Variants in TGFBR3 observed in about 807,000 individuals in gnomAD.
TGFBR3 encodes the protein transforming growth factor beta receptor 3.
TGFBR3 carries 46 observed loss-of-function variants against 87.9 expected under a neutral mutation model. That is an observed-to-expected ratio of 0.52 (90% CI 0.41 to 0.67). The LOEUF is 0.67. Ranked by LOEUF, TGFBR3 falls within the 30% of genes least tolerant of loss-of-function variation. The pLI is 0.00. For missense variants in TGFBR3, 866 were observed against 1,041.9 expected (o/e 0.83, Z 2.32); for synonymous variants, 381 against 391.6 (o/e 0.97, Z 0.32).
chr1:91,804,886 A>G (rs535864117), intron 2 of TGFBR3, among the ~76,000 whole-genome samples: 1 of 152,336 alleles, frequency 6.6e-6, no homozygotes, highest in East Asian at 1.9e-4. Context: ...CAAGTGAGTG[A>G]CATGCTCTGA....
At chr1:91,719,861 C>T (rs1192172093) in intron 9 of TGFBR3, 32 bp downstream of exon 9, 1 of 1,605,742 alleles carries the variant, frequency 6.2e-7, no homozygotes. Flanking sequence ...AGGAGGTAGC[C>T]TCTCTTCCCT....
At chr1:91,900,363 C>T (rs1286037176) in intron 1 of TGFBR3, among the ~76,000 whole-genome samples, 1 of 152,166 alleles carries the variant, frequency 6.6e-6, no homozygotes, top group African/African-American at 2.4e-5. Flanking sequence ...ATCTGCCTGC[C>T]TCAGCCTCCC....
rs1033044553 is a variant in TGFBR3 at position 91,801,627 on chromosome 1, T to G, written c.62-4156A>C. On this transcript the variant is annotated intron_variant, in intron 2 of 16. Coordinates refer to ENST00000212355, the MANE Select transcript of TGFBR3 (RefSeq NM_003243.5). ...GAGAGATATTTGATAAAGCAACTAT[T>G]GCAAAATGCTAATTGTGGAATCTAA... 5.9e-5 allele frequency among the ~76,000 whole-genome samples: 9 copies of G among 152,218 alleles called. No homozygotes were observed. In the South Asian group the frequency reaches 1.0e-3, roughly 17 times the overall value.
chr1:91,896,511 C>T lies in TGFBR3; in HGVS notation c.-114+3126G>A, dbSNP rs2391091. 9.7e-3 allele frequency among the ~76,000 whole-genome samples: 1,476 copies of T among 152,166 alleles called. 26 individuals are homozygous for T. The highest frequency in any genetic ancestry group is 0.033 in the African/African-American group (1,383 of 41,502). ...GCAGGGAGCAAGTATGTGGTGTAAA[C>T]GGCATGAATGAATCTCCACCTGGAA... On this transcript the variant is annotated intron_variant, in intron 2 of 17. Coordinates refer to the TGFBR3 transcript ENST00000370399.
rs1364490675 is a variant in TGFBR3, at chr1:91,683,420, A to C, written c.*319T>G. On this transcript the variant is annotated 3_prime_UTR_variant, in exon 17 of 17. Coordinates refer to ENST00000212355, the MANE Select transcript of TGFBR3 (RefSeq NM_003243.5). ...ATTATGGATGTTCTCACCTGGACAAAGCAGCATTTTAAAAACTGGCATGTG... is the reference window on the plus strand; with the variant it reads ...ATTATGGATGTTCTCACCTGGACAACGCAGCATTTTAAAAACTGGCATGTG... 1.8e-6 allele frequency: 1 copy of C among 566,952 alleles called. No homozygotes were observed. The highest frequency in any genetic ancestry group is 1.5e-5 in the South Asian group (1 of 65,472). 35.1% of individuals were successfully genotyped at this position (566,952 alleles called of 1,614,324 possible).
chr1:91,735,518 T>C (rs772610445), intron 4 of TGFBR3, among the ~76,000 whole-genome samples: 1 of 152,242 alleles, frequency 6.6e-6, no homozygotes, highest in Non-Finnish European at 1.5e-5. Context: ...CCAGCCTTTC[T>C]ATCACATTGC....
At chr1:91,752,717 C>G (rs1673591187) in intron 4 of TGFBR3, among the ~76,000 whole-genome samples, 1 of 145,894 alleles carries the variant, frequency 6.9e-6, no homozygotes, top group Admixed American at 6.9e-5. Context: ...ACAAATAAAG[C>G]AAGATTAAAA....
chr1:91,794,894 C>G (rs72716435), intron 3 of TGFBR3, among the ~76,000 whole-genome samples: 1 of 152,198 alleles, frequency 6.6e-6, no homozygotes, highest in Non-Finnish European at 1.5e-5. Context: ...CGGGTATATA[C>G]CTAAGAGTGG....
At chr1:91,722,667 G>C (rs1571442270) in intron 7 of TGFBR3, among the ~76,000 whole-genome samples, 1 of 152,134 alleles carries the variant, frequency 6.6e-6, no homozygotes, top group Non-Finnish European at 1.5e-5. Context: ...ATCATTAGGT[G>C]ATTTAGTCAT....
chr1:91,697,417 TCTC>T (rs1406830709), intron 15 of TGFBR3, among the ~76,000 whole-genome samples: 1 of 152,116 alleles, frequency 6.6e-6, no homozygotes, highest in Non-Finnish European at 1.5e-5. Context: ...ATTCACAAAT[TCTC>T]CTCACAAGAC....
At chr1:91,876,216 T>C (rs1004589091) in intron 1 of TGFBR3, among the ~76,000 whole-genome samples, 1 of 151,878 alleles carries the variant, frequency 6.6e-6, no homozygotes, top group Non-Finnish European at 1.5e-5. Flanking sequence ...AGACTAAGAG[T>C]TATCAAAGAT....
At chr1:91,854,474 G>C (rs1035239361) in intron 2 of TGFBR3, among the ~76,000 whole-genome samples, 1 of 152,056 alleles carries the variant, frequency 6.6e-6, no homozygotes, top group Non-Finnish European at 1.5e-5. Flanking sequence ...GCCCAGCTTG[G>C]AGCTGCCAAA....
intron 3 of TGFBR3, among the ~76,000 whole-genome samples, chr1:91,770,268 C>T (rs375759244): frequency 6.6e-6 from 1 of 151,154 alleles, no homozygotes; most frequent in East Asian, 1.9e-4. Context: ...TCTCATAAAA[C>T]CCTAAATAGA....
At chr1:91,876,830 G>A (rs1209131933) in intron 1 of TGFBR3, among the ~76,000 whole-genome samples, 1 of 151,868 alleles carries the variant, frequency 6.6e-6, no homozygotes, top group African/African-American at 2.4e-5. Flanking sequence ...AGAAAAATCT[G>A]AAAGCCAACA....
chr1:91,720,210 C>T lies in TGFBR3; in HGVS notation c.1096G>A (p.Glu366Lys), dbSNP rs759124773. The T allele has an allele frequency of 1.9e-6, 3 of 1,602,524 alleles. No individual in the cohort carries two copies. Among genetic ancestry groups the T allele is most frequent in the South Asian group, 2.2e-5 (2 of 89,860 alleles). Residue 366 changes from glutamate (E) to lysine (K), a missense_variant, in exon 9 of 17, where the codon GAA becomes AAA. Coordinates refer to ENST00000212355, the MANE Select transcript of TGFBR3 (RefSeq NM_003243.5). The part of the protein sequence containing the change: ...ENNAEEMGDE[E>K]VHTIPPELRI... ...AGCTCAGGAGGAATAGTGTGGACTT[C>T]CTCATCTCCCATCTCCTCTGCTGGT...
At position 91,899,293 on chromosome 1, in the gene TGFBR3, G is replaced by A. The variant is rs576358736; in HGVS notation, c.-114+344C>T. Reference sequence around the variant, plus strand: ...TGCACTTTGGAAAGCTTAGGCGGAAGGATCACTTGAGCCCAGGAATTCAGC... The same window carrying A: ...TGCACTTTGGAAAGCTTAGGCGGAAAGATCACTTGAGCCCAGGAATTCAGC... On this transcript the variant is annotated intron_variant, in intron 2 of 17. Transcript: ENST00000370399. Among the ~76,000 whole-genome samples, 7 of 152,272 alleles carry A rather than the reference G, an allele frequency of 4.6e-5. No homozygotes were observed. The South Asian group carries it at 6.2e-4, about 14-fold the overall frequency.
intron 1 of TGFBR3, among the ~76,000 whole-genome samples, chr1:91,899,875 A>C (rs1020113864): frequency 3.3e-5 from 5 of 151,720 alleles, no homozygotes; most frequent in Admixed American, 3.3e-4. Flanking sequence ...CACTTTAGCC[A>C]GGAGTTGAAG....
At position 91,875,272 on chromosome 1, in the gene TGFBR3, G is replaced by T. The variant is rs533070100; in HGVS notation, c.-114+10606C>A. On this transcript the variant is annotated intron_variant, in intron 1 of 16. Transcript: ENST00000212355. ...AGCTGGCAGCAGTGAGAGCCTGGAA[G>T]AGTAAGCAGGAACCCCCATAGAGAA... Among the ~76,000 whole-genome samples the T allele has an allele frequency of 2.7e-4, 41 of 152,264 alleles. 1 individual carries two copies. The highest frequency in any genetic ancestry group is 8.4e-4 in the African/African-American group (35 of 41,544).
chr1:91,840,600 T>C (rs1356556132), intron 2 of TGFBR3, among the ~76,000 whole-genome samples: 1 of 152,114 alleles, frequency 6.6e-6, no homozygotes, highest in South Asian at 2.1e-4. Context: ...TACTGCCAAA[T>C]AAGACATATT....
Sources: gnomAD v4.1 joint callset for allele counts (sites outside exome capture counted in the v4.1 genomes callset) on GRCh38, gnomAD v4.1.1 for gene constraint, MANE v1.5 for transcripts, NCBI Gene and HGNC (gene_info 2026-07-23, HGNC 2026-07-21) for gene names.